CCDC7: variants seen among roughly 807,000 people sequenced by gnomAD.
CCDC7 encodes coiled-coil domain containing 7.
CCDC7 carries 183 observed loss-of-function variants against 196.9 expected under a neutral mutation model. The ratio of observed to expected loss-of-function variants is 0.93; its 90% CI spans 0.82 to 1.05. The LOEUF (loss-of-function observed/expected upper bound fraction) is 1.05. Among genes scored for constraint, CCDC7 ranks in the 50% least tolerant of loss-of-function variants. CCDC7 has a pLI of 0.00. For synonymous variants in CCDC7, 525 were observed against 484.6 expected, an observed-to-expected ratio of 1.08 and a Z score of -1.10; for missense variants, 1,540 against 1,482.2, an observed-to-expected ratio of 1.04 and a Z score of -0.64.
intron 23 of CCDC7, among the ~76,000 whole-genome samples, chr10:32,692,838 C>T (rs2077243385): frequency 6.6e-6 from 1 of 152,068 alleles, no homozygotes; most frequent in Admixed American, 6.6e-5. Context: ...TCAGTGTAGA[C>T]TGTGTGAGTG....
intron 18 of CCDC7, among the ~76,000 whole-genome samples, chr10:32,618,571 A>G (rs1017310091): frequency 6.6e-6 from 1 of 152,086 alleles, no homozygotes; most frequent in East Asian, 1.9e-4. Flanking sequence ...TTCTGGCAGC[A>G]TATAACATTC....
At chr10:32,569,047 G>A (rs1259639627) in intron 15 of CCDC7, among the ~76,000 whole-genome samples, 1 of 152,142 alleles carries the variant, frequency 6.6e-6, no homozygotes, top group Non-Finnish European at 1.5e-5. Flanking sequence ...ATGAACCTGA[G>A]CAGAACAGTA....
intron 18 of CCDC7, among the ~76,000 whole-genome samples, chr10:32,607,759 T>C (rs2061685957): frequency 6.6e-6 from 1 of 152,188 alleles, no homozygotes; most frequent in Non-Finnish European, 1.5e-5. Context: ...TGCATCAATT[T>C]TCATCAGGGG....
intron 20 of CCDC7, among the ~76,000 whole-genome samples, chr10:32,637,563 G>C (rs544364164): frequency 6.6e-6 from 1 of 152,204 alleles, no homozygotes; most frequent in African/African-American, 2.4e-5. Context: ...TATTTCTGAG[G>C]ACTCTATTCT....
Position 32,599,046 on chromosome 10 carries a change from TCC to T in CCDC7, c.1801+14744_1801+14745del, listed in dbSNP as rs546223549. 6.4e-3 allele frequency among the ~76,000 whole-genome samples: 975 copies of T among 152,324 alleles called. 15 individuals are homozygous for T. Among genetic ancestry groups the T allele is most frequent in the Middle Eastern group, 0.027 (8 of 294 alleles). On this transcript the variant is annotated intron_variant, in intron 18 of 41. Coordinates refer to ENST00000639629, the Ensembl canonical transcript of CCDC7. Reference sequence around the variant, plus strand: ...CAAGTATAATAGATCTGTCCGTTTCTCCCTTCAATTGTGTCAGTGTTTGGTTC... The same window carrying T: ...CAAGTATAATAGATCTGTCCGTTTCTCTTCAATTGTGTCAGTGTTTGGTTC...
intron 18 of CCDC7, among the ~76,000 whole-genome samples, chr10:32,627,100 A>T (rs56786781): frequency 0.054 from 8,173 of 151,692 alleles, 731 homozygotes; most frequent in African/African-American, 0.19. Context: ...GTGACATTGG[A>T]ATTTTAATAG....
At chr10:32,747,751 A>G (rs1190851480) in intron 28 of CCDC7, among the ~76,000 whole-genome samples, 1 of 152,206 alleles carries the variant, frequency 6.6e-6, no homozygotes. Context: ...AGGCTTATAC[A>G]CTGCTGGTTG....
intron 7 of CCDC7, among the ~76,000 whole-genome samples, chr10:32,473,646 A>G (rs1166320262): frequency 6.6e-6 from 1 of 152,120 alleles, no homozygotes; most frequent in Non-Finnish European, 1.5e-5. Context: ...TTTGAGAAAT[A>G]TTTACTTGAA....
intron 33 of CCDC7, 146 bp downstream of exon 34, chr10:32,835,044 G>C: frequency 2.1e-6 from 1 of 479,972 alleles, no homozygotes; most frequent in South Asian, 2.6e-5. Flanking sequence ...TGGAACTCTA[G>C]TATTTGCTAT....
intron 12 of CCDC7, 47 bp from the exon 14 acceptor site, chr10:32,544,200 T>C: frequency 6.6e-7 from 1 of 1,505,148 alleles, no homozygotes; most frequent in African/African-American, 1.4e-5. Flanking sequence ...AAAGCAGTGA[T>C]GCATTTAAAA....
At chr10:32,621,837 A>G (rs1057084258) in intron 18 of CCDC7, among the ~76,000 whole-genome samples, 1 of 152,174 alleles carries the variant, frequency 6.6e-6, no homozygotes, top group African/African-American at 2.4e-5. Flanking sequence ...ACCTGTCCAC[A>G]TTGGTAAGGG....
chr10:32,476,361 CAATAGTTTG>C (rs1564390188), intron 8 of CCDC7, among the ~76,000 whole-genome samples: 5 of 152,188 alleles, frequency 3.3e-5, no homozygotes, highest in African/African-American at 1.2e-4. Flanking sequence ...CTCTGTGTTT[CAATAGTTTG>C]TCAAAGTTTC....
In CCDC7 at chr10:32,567,352, A is replaced by G. The variant is rs531516382; in HGVS notation, c.1198-318A>G. On this transcript the variant is annotated intron_variant, in intron 14 of 41. Coordinates refer to ENST00000639629, the Ensembl canonical transcript of CCDC7. ...TAATTATCCTTCTTATAGTCTATCA[A>G]TTTTTATAATGTATACCTTATATGA... Among the ~76,000 whole-genome samples the G allele has an allele frequency of 2.8e-4, 43 of 151,768 alleles. 1 individual carries two copies. In the South Asian group the frequency reaches 5.2e-3, roughly 18 times the overall value.
intron 41 of CCDC7, among the ~76,000 whole-genome samples, chr10:32,865,276 C>T (rs762949869): frequency 6.6e-6 from 1 of 151,616 alleles, no homozygotes; most frequent in Middle Eastern, 3.4e-3. Context: ...TATATTTTTT[C>T]TAAAAGCAGA....
chr10:32,508,946 T>TG (rs2045644601), intron 9 of CCDC7, among the ~76,000 whole-genome samples: 1 of 142,870 alleles, frequency 7.0e-6, no homozygotes, highest in Non-Finnish European at 1.5e-5. Flanking sequence ...TTTTTTTTTT[T>TG]TTTTTTGAAA....
chr10:32,689,828 G>A (rs981859082), intron 23 of CCDC7, among the ~76,000 whole-genome samples: 1 of 151,696 alleles, frequency 6.6e-6, no homozygotes, highest in Non-Finnish European at 1.5e-5. Context: ...TCCGCCTCCC[G>A]GGCTCAAGTG....
intron 29 of CCDC7, among the ~76,000 whole-genome samples, chr10:32,791,205 C>T (rs1004399314): frequency 6.6e-6 from 1 of 152,024 alleles, no homozygotes; most frequent in African/African-American, 2.4e-5. Flanking sequence ...CCACAACCTA[C>T]CCAAAACACT....
chr10:32,554,814 A>C (rs924416654), intron 13 of CCDC7, among the ~76,000 whole-genome samples: 1 of 151,960 alleles, frequency 6.6e-6, no homozygotes, highest in Admixed American at 6.6e-5. Context: ...ATTCTTTCTA[A>C]TTATATTTTT....
At chr10:32,746,669 G>T (rs1303946085) in intron 28 of CCDC7, among the ~76,000 whole-genome samples, 1 of 152,110 alleles carries the variant, frequency 6.6e-6, no homozygotes, top group Non-Finnish European at 1.5e-5. Flanking sequence ...CCCAATTGTG[G>T]TGCTTCCTGG....
Sources: gnomAD v4.1 joint callset for allele counts (sites outside exome capture counted in the v4.1 genomes callset) on GRCh38, gnomAD v4.1.1 for gene constraint, MANE v1.5 for transcripts, NCBI Gene and HGNC (gene_info 2026-07-23, HGNC 2026-07-21) for gene names.